KCNAB1: variants seen among roughly 807,000 people sequenced by gnomAD.
KCNAB1 encodes potassium voltage-gated channel subfamily A regulatory beta subunit 1.
KCNAB1 carries 35 observed loss-of-function variants against 64.6 expected under a neutral mutation model. That is an observed-to-expected ratio of 0.54 (90% CI 0.41 to 0.72). The LOEUF (loss-of-function observed/expected upper bound fraction) is 0.72. KCNAB1 is among the 30% of genes least tolerant of loss of function. The pLI is 0.00. For synonymous variants in KCNAB1, 177 were observed against 183.8 expected (o/e 0.96, Z 0.30); for missense variants, 401 against 512.9 (o/e 0.78, Z 2.11).
At position 156,452,880 on chromosome 3, in the gene KCNAB1, A is replaced by G; in HGVS notation, c.320-19A>G. On this transcript the variant is annotated intron_variant, in intron 2 of 13. Transcript: ENST00000490337. The surrounding 1 kb of genome is among the most constrained non-coding windows in gnomAD (Gnocchi z 4.6). ...GAAAAATGATGATGAATAATATGCA[A>G]ATATTTATTATTTTCTAGGAACATG... The G allele has an allele frequency of 6.4e-7, 1 of 1,559,738 alleles. No homozygotes were observed.
chr3:156,318,805 C>T (rs977500423), intron 1 of KCNAB1, among the ~76,000 whole-genome samples: 3 of 152,104 alleles, frequency 2.0e-5, no homozygotes, highest in Non-Finnish European at 2.9e-5. Flanking sequence ...GGGCTAGTTG[C>T]GATTTGTCAC....
intron 7 of KCNAB1, among the ~76,000 whole-genome samples, chr3:156,470,896 C>T (rs189808606): frequency 6.6e-6 from 1 of 152,234 alleles, no homozygotes; most frequent in East Asian, 1.9e-4. Context: ...ATACATCAGC[C>T]ATCAAGGATA....
At chr3:156,163,390 C>G (rs1003483555) in intron 1 of KCNAB1, among the ~76,000 whole-genome samples, 2 of 152,114 alleles carry the variant, frequency 1.3e-5, no homozygotes, top group Admixed American at 6.5e-5. Flanking sequence ...GCCACATAGT[C>G]CCCTTACCTT....
At position 156,187,769 on chromosome 3, in the gene KCNAB1, G is replaced by A. The variant is rs369151288; in HGVS notation, c.275+66883G>A. Reference sequence around the variant, plus strand: ...CTCCATCACCCATGGTGAAGCCAGTGATTTCAAATGCCAATCAAATCAGGT... The same window carrying A: ...CTCCATCACCCATGGTGAAGCCAGTAATTTCAAATGCCAATCAAATCAGGT... On this transcript the variant is annotated intron_variant, in intron 1 of 13. Transcript: ENST00000490337. Among the ~76,000 whole-genome samples the A allele has an allele frequency of 1.9e-3, 286 of 152,344 alleles. 1 individual carries two copies. Among genetic ancestry groups the A allele is most frequent in the African/African-American group, 6.7e-3 (277 of 41,592 alleles).
intron 8 of KCNAB1, among the ~76,000 whole-genome samples, chr3:156,509,978 G>A (rs540015068): frequency 4.6e-5 from 7 of 152,258 alleles, no homozygotes; most frequent in Admixed American, 2.0e-4. Flanking sequence ...TAAGCTAAAC[G>A]AATTTTTCTC....
chr3:156,485,909 A>G (rs1715171166), intron 8 of KCNAB1, among the ~76,000 whole-genome samples: 1 of 152,104 alleles, frequency 6.6e-6, no homozygotes, highest in Admixed American at 6.6e-5. Flanking sequence ...GTTGCTGCAA[A>G]GGACATGATT....
intron 1 of KCNAB1, among the ~76,000 whole-genome samples, chr3:156,366,349 T>G (rs1725945744): frequency 6.6e-6 from 1 of 152,236 alleles, no homozygotes. Context: ...TATGGCCATT[T>G]GTCATCTGTC....
chr3:156,536,742 T>G lies in KCNAB1; in HGVS notation c.1255T>G (p.Ser419Ala). ...NKPYSKKDYRS is the reference protein window; with the variant it reads ...NKPYSKKDYRA ...GCCCTACAGCAAGAAGGACTATAGA[T>G]CATAAGGCAATGCATGAACCACAGA... The change falls in exon 14 of 14, where the codon TCA becomes GCA. Residue 419 changes from serine to alanine, a missense_variant. Transcript: ENST00000490337. 1 of 1,603,732 alleles carries G rather than the reference T, an allele frequency of 6.2e-7. No homozygotes were observed. Among genetic ancestry groups the G allele is most frequent in the Non-Finnish European group, 8.5e-7 (1 of 1,170,596 alleles).
chr3:156,399,871 C>T (rs1012030858), intron 1 of KCNAB1, among the ~76,000 whole-genome samples: 2 of 152,160 alleles, frequency 1.3e-5, no homozygotes, highest in African/African-American at 2.4e-5. Flanking sequence ...TATAAAATTA[C>T]CGCACCACCT....
chr3:156,186,895 A>G (rs1713237009), intron 1 of KCNAB1, among the ~76,000 whole-genome samples: 1 of 149,598 alleles, frequency 6.7e-6, no homozygotes, highest in Non-Finnish European at 1.5e-5. Context: ...TCTGTTGCCC[A>G]GGCTGGAGTG....
chr3:156,158,169 A>AAAAAAAT (rs1174646620), intron 1 of KCNAB1, among the ~76,000 whole-genome samples: 1 of 80,778 alleles, frequency 1.2e-5, no homozygotes, highest in Non-Finnish European at 2.4e-5. Context: ...TGTCTCAAAA[A>AAAAAAAT]AAAAAATAAA....
At chr3:156,419,621 C>T (rs1715336808) in intron 1 of KCNAB1, among the ~76,000 whole-genome samples, 1 of 152,104 alleles carries the variant, frequency 6.6e-6, no homozygotes, top group Non-Finnish European at 1.5e-5. Context: ...TACTGAAAGA[C>T]ATTAAAAATA....
At chr3:156,174,838 G>A (rs1043912905) in intron 1 of KCNAB1, among the ~76,000 whole-genome samples, 3 of 152,212 alleles carry the variant, frequency 2.0e-5, no homozygotes, top group Admixed American at 6.5e-5. Context: ...CTGCCAATGA[G>A]GGTGCATCTG....
At chr3:156,464,618 C>T in intron 6 of KCNAB1, among the ~76,000 whole-genome samples, 1 of 151,862 alleles carries the variant, frequency 6.6e-6, no homozygotes, top group East Asian at 1.9e-4. Context: ...CTTTAGGAAC[C>T]TTCTAATCAA....
intron 1 of KCNAB1, among the ~76,000 whole-genome samples, chr3:156,202,451 A>C (rs940386948): frequency 1.3e-5 from 2 of 152,124 alleles, no homozygotes; most frequent in African/African-American, 4.8e-5. Flanking sequence ...CTTTTCTCTA[A>C]CGATCTGCTA....
At chr3:156,461,202 T>A (rs1712883556) in intron 5 of KCNAB1, among the ~76,000 whole-genome samples, 1 of 152,198 alleles carries the variant, frequency 6.6e-6, no homozygotes, top group Non-Finnish European at 1.5e-5. Context: ...GACCAGAAAC[T>A]GGGTAACTTA....
intron 13 of KCNAB1, among the ~76,000 whole-genome samples, chr3:156,534,832 T>C (rs1010135454): frequency 5.9e-5 from 9 of 152,244 alleles, no homozygotes; most frequent in Admixed American, 5.9e-4. Flanking sequence ...TGTAGTAGTT[T>C]ACAATGTTTC....
chr3:156,503,102 C>T (rs565601963), intron 8 of KCNAB1, among the ~76,000 whole-genome samples: 45 of 152,328 alleles, frequency 3.0e-4, no homozygotes, highest in Non-Finnish European at 2.2e-4. Context: ...AGAATAACCT[C>T]TTTAATTACT....
At chr3:156,216,420 A>G (rs546871618) in intron 1 of KCNAB1, among the ~76,000 whole-genome samples, 8 of 152,202 alleles carry the variant, frequency 5.3e-5, no homozygotes, top group Non-Finnish European at 8.8e-5. Flanking sequence ...TGGGCTTGCA[A>G]TTACATTCCG....
Sources: allele counts gnomAD v4.1 joint callset (sites outside exome capture counted in the v4.1 genomes callset), GRCh38; gene constraint gnomAD v4.1.1; non-coding constraint Gnocchi (gnomAD v3.1); transcripts MANE v1.5; gene names NCBI Gene and HGNC (gene_info 2026-07-23, HGNC 2026-07-21).